Variants in PRPF18 observed in about 807,000 individuals in gnomAD.
The protein encoded by PRPF18 is pre-mRNA processing factor 18, also known as pre-mRNA-splicing factor 18.
Under a neutral mutation model 46.5 loss-of-function variants are expected in PRPF18, and 38 were observed. That is an observed-to-expected ratio of 0.82 (90% confidence interval 0.63 to 1.07). The LOEUF (loss-of-function observed/expected upper bound fraction) is 1.07, where lower values mean the gene tolerates loss of function less well. PRPF18 is among the 50% of genes least tolerant of loss of function. The pLI, the probability that PRPF18 is intolerant of heterozygous loss-of-function variation, is 0.00. For synonymous variants in PRPF18, 152 were observed against 146.7 expected (o/e 1.04, Z -0.26); for missense variants, 263 against 410.0 (o/e 0.64, Z 3.10).
chr10:13,587,843 C>T (rs1289352269), intron 1 of PRPF18, among the ~76,000 whole-genome samples: 1 of 152,140 alleles, frequency 6.6e-6, no homozygotes, highest in African/African-American at 2.4e-5. Context: ...TTTTTTTGTG[C>T]GTTTTGTCCA....
At chr10:13,597,771 T>C (rs1564451482) in intron 2 of PRPF18, 5 of 936,524 alleles carry the variant, frequency 5.3e-6, no homozygotes, top group Non-Finnish European at 7.8e-6. Flanking sequence ...GTGGACGGCA[T>C]GAAGTGGCTT....
chr10:13,631,497 A>T (rs368088671), downstream of PRPF18: 1 of 152,260 alleles, frequency 6.6e-6, no homozygotes, highest in East Asian at 1.9e-4. Context: ...AGTTGGTAAT[A>T]ATAGTCCATG....
chr10:13,636,160 G>A, the PRPF18 span, among the ~76,000 whole-genome samples: 1 of 152,218 alleles, frequency 6.6e-6, no homozygotes, highest in Non-Finnish European at 1.5e-5. Context: ...GGTGGCTCAC[G>A]CCTGTAATGC....
intron 9 of PRPF18, among the ~76,000 whole-genome samples, chr10:13,619,951 A>G (rs763160491): frequency 6.6e-6 from 1 of 151,768 alleles, no homozygotes; most frequent in Non-Finnish European, 1.5e-5. Context: ...TGTGTCTTAA[A>G]CCCATAGTGT....
At chr10:13,594,247 A>G (rs1015186730) in intron 1 of PRPF18, among the ~76,000 whole-genome samples, 3 of 152,264 alleles carry the variant, frequency 2.0e-5, no homozygotes, top group Non-Finnish European at 2.9e-5. Context: ...CTTCAGTGAG[A>G]AAAGTGACAT....
At chr10:13,617,090 C>G (rs939852680) in intron 9 of PRPF18, among the ~76,000 whole-genome samples, 1 of 152,172 alleles carries the variant, frequency 6.6e-6, no homozygotes, top group Non-Finnish European at 1.5e-5. Flanking sequence ...TTCACATAAA[C>G]TTGTTGGTAC....
chr10:13,592,235 C>A (rs2079974426), intron 1 of PRPF18: 1 of 564,296 alleles, frequency 1.8e-6, no homozygotes, highest in Non-Finnish European at 3.3e-6. Context: ...CTTGAGGTGA[C>A]CCTTTTTCAC....
chr10:13,645,347 A>G, the PRPF18 span: 1 of 80,532 alleles, frequency 1.2e-5, no homozygotes, highest in African/African-American at 5.3e-5. Context: ...TAGAGTGAGA[A>G]AAAAATTCCA....
the PRPF18 span, among the ~76,000 whole-genome samples, chr10:13,638,282 G>A: frequency 6.8e-6 from 1 of 147,900 alleles, no homozygotes; most frequent in African/African-American, 2.5e-5. Flanking sequence ...CAGAGCAGAA[G>A]ATAAAGCTTG....
rs146077258 is a variant in PRPF18, at chr10:13,613,979, T to C, written c.721-36T>C. On this transcript the variant is annotated intron_variant, in intron 7 of 9. Transcript: ENST00000378572. ...TGTTTTTTCCCTATACATCTATACA[T>C]AGTAGCTTCCAAAATTTCTTATTTA... 4.3e-4 allele frequency: 664 copies of C among 1,553,476 alleles called. 2 individuals are homozygous for C. In the East Asian group the frequency reaches 8.0e-3, roughly 19 times the overall value.
intron 1 of PRPF18, among the ~76,000 whole-genome samples, chr10:13,591,218 A>G (rs923279865): frequency 1.3e-5 from 2 of 152,242 alleles, no homozygotes; most frequent in Non-Finnish European, 2.9e-5. Flanking sequence ...CTGCAGCTCT[A>G]TCATTTCATG....
At chr10:13,624,997 G>A (rs1368656237) in intron 9 of PRPF18, among the ~76,000 whole-genome samples, 1 of 152,146 alleles carries the variant, frequency 6.6e-6, no homozygotes, top group East Asian at 1.9e-4. Context: ...CATAGAAACA[G>A]AATTATAGAG....
the PRPF18 span, chr10:13,652,089 T>C: frequency 4.1e-6 from 3 of 730,126 alleles, no homozygotes; most frequent in Admixed American, 5.8e-5. Flanking sequence ...GCTTGCTGAT[T>C]AGACACCTGA....
At chr10:13,597,626 A>T in intron 2 of PRPF18, 91 bp downstream of exon 2, 1 of 1,605,022 alleles carries the variant, frequency 6.2e-7, no homozygotes, top group Non-Finnish European at 8.5e-7. Flanking sequence ...TCTCTGTTCA[A>T]TTTATCAATA....
intron 4 of PRPF18, among the ~76,000 whole-genome samples, chr10:13,609,658 G>A (rs976040018): frequency 6.6e-6 from 1 of 152,200 alleles, no homozygotes; most frequent in African/African-American, 2.4e-5. Context: ...CAGTAGTTGA[G>A]GTTAGACATT....
chr10:13,625,836 T>A (rs770694122), intron 9 of PRPF18, among the ~76,000 whole-genome samples: 1 of 152,218 alleles, frequency 6.6e-6, no homozygotes, highest in African/African-American at 2.4e-5. Flanking sequence ...TAGGGAAATA[T>A]TGTCCAACTC....
the PRPF18 span, chr10:13,648,104 A>C: frequency 6.6e-6 from 1 of 152,336 alleles, no homozygotes; most frequent in Admixed American, 6.5e-5. Context: ...GATGTTGTAA[A>C]TGTTTCTCAT....
At chr10:13,602,825 C>T (rs1002281344) in intron 3 of PRPF18, among the ~76,000 whole-genome samples, 1 of 152,144 alleles carries the variant, frequency 6.6e-6, no homozygotes, top group Non-Finnish European at 1.5e-5. Flanking sequence ...CTCCGCCTCC[C>T]GGGTTCAAGA....
At chr10:13,654,832 GGTTTCTACAGCAGCAAAGA>G in the PRPF18 span, 2 of 398,030 alleles carry the variant, frequency 5.0e-6, no homozygotes, top group Non-Finnish European at 8.9e-6. Context: ...GGATGGTGAC[GGTTTCTACAGCAGCAAAGA>G]ATCTGATGTC....
Sources: allele counts gnomAD v4.1 joint callset (sites outside exome capture counted in the v4.1 genomes callset), GRCh38; gene constraint gnomAD v4.1.1; transcripts MANE v1.5; gene names NCBI Gene and HGNC (gene_info 2026-07-23, HGNC 2026-07-21).